The following KAZN variants were observed in gnomAD, a reference collection of about 807,000 sequenced individuals.
KAZN encodes the protein kazrin.
Under a neutral mutation model 87.4 loss-of-function variants are expected in KAZN, and 40 were observed. The ratio of observed to expected loss-of-function variants is 0.46; its 90% CI spans 0.36 to 0.60. The LOEUF is 0.60. KAZN is among the 20% of genes least tolerant of loss of function. The pLI, the probability that KAZN is intolerant of heterozygous loss-of-function variation, is 0.00. For synonymous variants in KAZN, 466 were observed against 458.3 expected, an observed-to-expected ratio of 1.02 and a Z score of -0.22; for missense variants, 898 against 1,073.9, an observed-to-expected ratio of 0.84 and a Z score of 2.29.
Position 14,639,778 on chromosome 1 carries a change from T to C in KAZN, c.226+40555T>C, listed in dbSNP as rs1442126727. ...CTACTGAACACTCAGACCCATCTCT[T>C]TTGATTTTTTTAGCCATCCAGGGCA... On this transcript the variant is annotated intron_variant, in intron 1 of 14. Coordinates refer to ENST00000376030, the MANE Select transcript of KAZN (RefSeq NM_201628.3). Among the ~76,000 whole-genome samples the C allele has an allele frequency of 6.6e-5, 10 of 152,322 alleles. No homozygotes were observed. In the South Asian group the frequency reaches 1.2e-3, roughly 19 times the overall value.
chr1:14,718,734 G>A (rs1230030334), intron 1 of KAZN, among the ~76,000 whole-genome samples: 1 of 152,210 alleles, frequency 6.6e-6, no homozygotes, highest in Non-Finnish European at 1.5e-5. Flanking sequence ...CAAACCAGAA[G>A]CAGTGAAGGA....
chr1:14,709,955 T>C (rs1642401555), intron 1 of KAZN, among the ~76,000 whole-genome samples: 1 of 152,178 alleles, frequency 6.6e-6, no homozygotes, highest in Non-Finnish European at 1.5e-5. Flanking sequence ...GAGAGCATCA[T>C]TCAAGGGAAG....
intron 1 of KAZN, among the ~76,000 whole-genome samples, chr1:14,953,203 C>G (rs1557655595): frequency 6.6e-6 from 1 of 152,236 alleles, no homozygotes; most frequent in Non-Finnish European, 1.5e-5. Flanking sequence ...TGGGGAGTGT[C>G]CCCAGTGGAG....
At chr1:14,492,266 C>T (rs1669690069) in intron 2 of KAZN, among the ~76,000 whole-genome samples, 1 of 152,074 alleles carries the variant, frequency 6.6e-6, no homozygotes, top group Non-Finnish European at 1.5e-5. Context: ...GCCCAGATGG[C>T]CTCAGGGCTC....
Position 15,011,309 on chromosome 1 carries a change from G to T in KAZN, c.419-23440G>T, listed in dbSNP as rs530575987. 1.4e-4 allele frequency among the ~76,000 whole-genome samples: 22 copies of T among 152,258 alleles called. No individual in the cohort carries two copies. The East Asian group carries it at 3.5e-3, about 24-fold the overall frequency. Reference sequence around the variant, plus strand: ...TGCTCTTGTTATCTCTAAATCCCAGGGCTCCTGGCTGGATTGAATAAGCTG... The same window carrying T: ...TGCTCTTGTTATCTCTAAATCCCAGTGCTCCTGGCTGGATTGAATAAGCTG... On this transcript the variant is annotated intron_variant, in intron 2 of 14. Coordinates refer to ENST00000376030, the MANE Select transcript of KAZN (RefSeq NM_201628.3).
chr1:14,952,508 G>A (rs1309611694), intron 1 of KAZN, among the ~76,000 whole-genome samples: 2 of 151,780 alleles, frequency 1.3e-5, no homozygotes, highest in Non-Finnish European at 1.5e-5. Flanking sequence ...TTTTTCTTGG[G>A]GTATAATTCA....
At chr1:14,667,019 C>A (rs999029242) in intron 1 of KAZN, among the ~76,000 whole-genome samples, 5 of 152,186 alleles carry the variant, frequency 3.3e-5, no homozygotes, top group African/African-American at 1.2e-4. Context: ...TATAAGAGAA[C>A]CAACCGTTGA....
At chr1:14,168,170 C>T (rs1043779886) in intron 1 of KAZN, among the ~76,000 whole-genome samples, 10 of 152,190 alleles carry the variant, frequency 6.6e-5, no homozygotes, top group Admixed American at 3.3e-4. Context: ...CCAGGCAAGT[C>T]GCTGGCTACA....
Position 14,599,233 on chromosome 1 carries a change from C to T in KAZN, c.226+10C>T. The T allele has an allele frequency of 7.3e-7, 1 of 1,366,724 alleles. No individual in the cohort carries two copies. The highest frequency in any genetic ancestry group is 1.5e-5 in the African/African-American group (1 of 66,290). The allele number at this position is 1,366,724 out of a possible 1,614,324, so 84.7% of individuals were successfully genotyped here. On this transcript the variant is annotated intron_variant, in intron 1 of 14. Coordinates refer to ENST00000376030, the MANE Select transcript of KAZN (RefSeq NM_201628.3). This position sits in a 1 kb window ranked among gnomAD's most constrained non-coding sequence, Gnocchi z 4.4. Reference sequence around the variant, plus strand: ...CAGCTTGGAGCGCAAGGTAGGATCGCCCCGGCGCCCAGGGCGGAGGAAGGC... The same window carrying T: ...CAGCTTGGAGCGCAAGGTAGGATCGTCCCGGCGCCCAGGGCGGAGGAAGGC...
At chr1:14,362,756 C>A (rs1332400953) in intron 2 of KAZN, among the ~76,000 whole-genome samples, 1 of 152,168 alleles carries the variant, frequency 6.6e-6, no homozygotes, top group African/African-American at 2.4e-5. Flanking sequence ...ATCATATTTG[C>A]CAAAGTTCCC....
intron 1 of KAZN, among the ~76,000 whole-genome samples, chr1:13,952,656 C>CT (rs1641397066): frequency 2.2e-5 from 1 of 45,130 alleles, no homozygotes; most frequent in African/African-American, 8.4e-5. Flanking sequence ...TGTTATAAAC[C>CT]CCCGATCGCT....
chr1:15,083,854 C>A (rs1255599341), intron 8 of KAZN, among the ~76,000 whole-genome samples: 1 of 152,176 alleles, frequency 6.6e-6, no homozygotes, highest in Non-Finnish European at 1.5e-5. Context: ...GTTATGTAAC[C>A]AAGCACAGGC....
At chr1:14,556,709 C>T (rs1018471820) in intron 2 of KAZN, among the ~76,000 whole-genome samples, 9 of 152,120 alleles carry the variant, frequency 5.9e-5, no homozygotes, top group African/African-American at 2.2e-4. Flanking sequence ...CTTATCATTA[C>T]CATAACCTTA....
chr1:14,944,073 CA>C (rs529457188), intron 1 of KAZN, among the ~76,000 whole-genome samples: 3 of 148,758 alleles, frequency 2.0e-5, no homozygotes, highest in South Asian at 4.3e-4. Flanking sequence ...GACTCTGTCT[CA>C]AAAAAAAACA....
At chr1:14,079,507 C>T (rs909789494) in intron 1 of KAZN, among the ~76,000 whole-genome samples, 2 of 152,124 alleles carry the variant, frequency 1.3e-5, no homozygotes, top group African/African-American at 4.8e-5. Flanking sequence ...GTTAACATCA[C>T]GTGTAGGAAT....
At chr1:14,924,950 T>C (rs1280728936) in intron 1 of KAZN, among the ~76,000 whole-genome samples, 1 of 152,210 alleles carries the variant, frequency 6.6e-6, no homozygotes, top group African/African-American at 2.4e-5. Flanking sequence ...GTGAGCCATG[T>C]GGCGGCCCCC....
intron 1 of KAZN, among the ~76,000 whole-genome samples, chr1:14,880,683 G>T (rs942696901): frequency 6.6e-6 from 1 of 152,194 alleles, no homozygotes; most frequent in Non-Finnish European, 1.5e-5. Flanking sequence ...CAAAGGCTGG[G>T]CTCAGCTGGG....
At chr1:14,538,509 G>A (rs1672627994) in intron 2 of KAZN, among the ~76,000 whole-genome samples, 1 of 152,172 alleles carries the variant, frequency 6.6e-6, no homozygotes, top group Non-Finnish European at 1.5e-5. Context: ...ATTCTCCGAG[G>A]GGAGAAATGC....
At chr1:15,103,969 T>C (rs1641202382) in intron 12 of KAZN, 54 bp from the exon 13 acceptor site, 1 of 1,568,840 alleles carries the variant, frequency 6.4e-7, no homozygotes, top group South Asian at 1.2e-5. Flanking sequence ...GGGGCCCCCT[T>C]AGGCCAGCAG....
Sources: allele counts gnomAD v4.1 joint callset (sites outside exome capture counted in the v4.1 genomes callset), GRCh38; gene constraint gnomAD v4.1.1; non-coding constraint Gnocchi (gnomAD v3.1); transcripts MANE v1.5; gene names NCBI Gene and HGNC (gene_info 2026-07-23, HGNC 2026-07-21).